Variants in MPHOSPH10 observed in about 807,000 individuals in gnomAD.
The protein encoded by MPHOSPH10 is U3 small nucleolar ribonucleoprotein MPP10.
A neutral mutation model predicts 77.3 loss-of-function variants in MPHOSPH10; 33 were observed. The ratio of observed to expected loss-of-function variants is 0.43; its 90% CI spans 0.32 to 0.57. MPHOSPH10 has a LOEUF of 0.57. MPHOSPH10 is among the 20% of genes least tolerant of loss of function. The pLI, the probability that MPHOSPH10 is intolerant of heterozygous loss-of-function variation, is 0.07. For missense variants in MPHOSPH10, 708 were observed against 780.1 expected (o/e 0.91, Z 1.10); for synonymous variants, 245 against 268.0 (o/e 0.91, Z 0.84).
At chr2:71,145,186 C>G (rs1055341328) in intron 8 of MPHOSPH10, among the ~76,000 whole-genome samples, 1 of 152,158 alleles carries the variant, frequency 6.6e-6, no homozygotes, top group African/African-American at 2.4e-5. Flanking sequence ...AGCCTCATCT[C>G]CTGCTTACCA....
At chr2:71,143,146 CT>C (rs776519742) in intron 7 of MPHOSPH10, among the ~76,000 whole-genome samples, 357 of 140,764 alleles carry the variant, frequency 2.5e-3, no homozygotes, top group African/African-American at 5.0e-3. Context: ...TCTTTTTTTT[CT>C]TTTTTTTTTT....
intron 1 of MPHOSPH10, among the ~76,000 whole-genome samples, chr2:71,132,540 T>A (rs1211547782): frequency 6.6e-6 from 1 of 152,230 alleles, no homozygotes; most frequent in Non-Finnish European, 1.5e-5. Flanking sequence ...AGGTTTTCCT[T>A]GACCACTGTA....
chr2:71,147,936 G>A (rs1572902019), intron 8 of MPHOSPH10, 63 bp from the exon 9 acceptor site: 3 of 1,257,776 alleles, frequency 2.4e-6, no homozygotes, highest in Non-Finnish European at 3.5e-6. Flanking sequence ...TAGGTTCACA[G>A]TTCACACATT....
intron 5 of MPHOSPH10, 134 bp from the exon 6 acceptor site, chr2:71,139,661 A>T: frequency 1.6e-6 from 1 of 610,274 alleles, no homozygotes; most frequent in Non-Finnish European, 2.9e-6. Flanking sequence ...TGATTCAGGA[A>T]GTATGGGGGT....
intron 1 of MPHOSPH10, 149 bp downstream of exon 1, chr2:71,130,903 C>T: frequency 4.2e-6 from 3 of 717,716 alleles, no homozygotes; most frequent in Non-Finnish European, 6.7e-6. Flanking sequence ...CTTTCCTAGG[C>T]TATCAAAATT....
chr2:71,136,637 T>C (rs1440791245), intron 4 of MPHOSPH10, among the ~76,000 whole-genome samples: 1 of 151,944 alleles, frequency 6.6e-6, no homozygotes, highest in Non-Finnish European at 1.5e-5. Flanking sequence ...CCCCAGAAGA[T>C]AGAGAAATTC....
chr2:71,148,331 G>A (rs1329873572), intron 9 of MPHOSPH10: 1 of 436,458 alleles, frequency 2.3e-6, no homozygotes, highest in African/African-American at 1.9e-5. Flanking sequence ...TGTAAGAGCA[G>A]TTTTAAAATA....
At chr2:71,142,415 G>A (rs183247511) in intron 7 of MPHOSPH10, among the ~76,000 whole-genome samples, 54 of 152,308 alleles carry the variant, frequency 3.5e-4, no homozygotes, top group African/African-American at 1.3e-3. Context: ...TGATGACCAC[G>A]AGAATTAAAA....
At chr2:71,130,821 C>G (rs759711469) in intron 1 of MPHOSPH10, 67 bp downstream of exon 1, 1 of 1,461,216 alleles carries the variant, frequency 6.8e-7, no homozygotes, top group African/African-American at 1.4e-5. Flanking sequence ...TGCAGGCCTC[C>G]GGCAAATTGT....
At position 71,130,673 on chromosome 2, in the gene MPHOSPH10, C is replaced by T. The variant is rs771476171; in HGVS notation, c.8C>T (p.Pro3Leu). Reference sequence around the variant, plus strand: ...CGGGAGTTGCTGACAGCCATGGCGCCGCAGGTCTGGCGTCGACGGACCCTG... The same window carrying T: ...CGGGAGTTGCTGACAGCCATGGCGCTGCAGGTCTGGCGTCGACGGACCCTG... MA[P>L]QVWRRRTLER... Residue 3 changes from proline to leucine, a missense_variant, in exon 1 of 11, where the codon CCG becomes CTG. Physicochemically the swap from Pro to Leu is moderately conservative, Grantham distance 98. Coordinates refer to ENST00000244230, the MANE Select transcript of MPHOSPH10 (RefSeq NM_005791.3). 12 of 1,608,760 alleles carry T rather than the reference C, an allele frequency of 7.5e-6. No homozygotes were observed. Among genetic ancestry groups the T allele is most frequent in the South Asian group, 4.4e-5 (4 of 90,504 alleles).
At chr2:71,137,186 T>C (rs1310198528) in intron 4 of MPHOSPH10, among the ~76,000 whole-genome samples, 1 of 152,128 alleles carries the variant, frequency 6.6e-6, no homozygotes, top group Non-Finnish European at 1.5e-5. Flanking sequence ...TTTTCACTCC[T>C]AGCGGAATAT....
Position 71,141,271 on chromosome 2 carries a change from G to A in MPHOSPH10, c.1348G>A (p.Asp450Asn). 1.9e-6 allele frequency: 3 copies of A among 1,557,426 alleles called. No homozygotes were observed. The highest frequency in any genetic ancestry group is 2.6e-6 in the Non-Finnish European group (3 of 1,153,438). Residue 450 changes from aspartate to asparagine, a missense_variant, in exon 7 of 11, where the codon GAT (aspartate) becomes AAT (asparagine). By Grantham distance (23) the Asp-to-Asn change is conservative (BLOSUM62 1). Transcript: ENST00000244230. Reference protein sequence around the residue: ...DVVRKEKPKEDAYEYKKRLTL... With the variant: ...DVVRKEKPKENAYEYKKRLTL... ...AGTACGTAAAGAAAAACCTAAAGAG[G>A]ATGCATATGAATATAAAAAGCGTTT... is the stretch of plus-strand genomic sequence containing the variant.
chr2:71,138,151 C>G (rs1192385254), intron 4 of MPHOSPH10, among the ~76,000 whole-genome samples: 3 of 152,138 alleles, frequency 2.0e-5, no homozygotes, highest in Non-Finnish European at 4.4e-5. Flanking sequence ...GGTCAGACTC[C>G]ATCAGATACT....
chr2:71,147,950 T>C, intron 8 of MPHOSPH10, 49 bp from the exon 9 acceptor site: 1 of 1,401,616 alleles, frequency 7.1e-7, no homozygotes, highest in Non-Finnish European at 1.0e-6. Flanking sequence ...ACACATTTTG[T>C]GTTAGAGTCC....
chr2:71,135,271 C>T (rs529969658), intron 4 of MPHOSPH10, among the ~76,000 whole-genome samples: 25 of 151,958 alleles, frequency 1.6e-4, no homozygotes, highest in Non-Finnish European at 2.9e-4. Context: ...TTCTGCTGGG[C>T]GTGGTGGCTC....
chr2:71,130,729 A>G lies in MPHOSPH10; in HGVS notation c.64A>G (p.Thr22Ala), dbSNP rs1044154755. 1.7e-5 allele frequency: 27 copies of G among 1,610,686 alleles called. No homozygotes were observed. Among genetic ancestry groups the G allele is most frequent in the Non-Finnish European group, 2.2e-5 (26 of 1,179,196 alleles). The change falls in exon 1 of 11, where the codon ACG (threonine) becomes GCG (alanine). Residue 22 changes from threonine to alanine, a missense_variant. Physicochemically the swap from Thr to Ala is moderately conservative, Grantham distance 58. Coordinates refer to ENST00000244230, the MANE Select transcript of MPHOSPH10 (RefSeq NM_005791.3). ...GTGTCTGACGGAAGTCGGCAAAGCC[A>G]CGGGTCGGCCCGAGTGCTTCCTCAC... ...ERCLTEVGKA[T>A]GRPECFLTIQ... is the part of the protein sequence containing the mutation.
chr2:71,139,905 AT>A (rs781137262), intron 6 of MPHOSPH10, 43 bp downstream of exon 6: 4 of 1,320,286 alleles, frequency 3.0e-6, no homozygotes, highest in Non-Finnish European at 4.3e-6. Context: ...TGTCACCAAG[AT>A]TTTTAGAAAT....
At chr2:71,132,875 T>A in intron 1 of MPHOSPH10, 23 bp from the exon 2 acceptor site, 1 of 1,551,386 alleles carries the variant, frequency 6.4e-7, no homozygotes, top group Non-Finnish European at 8.7e-7. Context: ...TAATTCTAAA[T>A]CTCACTTAAT....
intron 4 of MPHOSPH10, among the ~76,000 whole-genome samples, chr2:71,136,848 CTTTTT>C (rs60456435): frequency 8.4e-6 from 1 of 118,644 alleles, no homozygotes; most frequent in Non-Finnish European, 1.7e-5. Context: ...AACTTTCAAC[CTTTTT>C]TTTTTTTTTT....
Sources: gnomAD v4.1 joint callset for allele counts (sites outside exome capture counted in the v4.1 genomes callset) on GRCh38, gnomAD v4.1.1 for gene constraint, MANE v1.5 for transcripts, NCBI Gene and HGNC (gene_info 2026-07-23, HGNC 2026-07-21) for gene names.